The following PTPRN2 variants were observed in gnomAD, a reference collection of about 807,000 sequenced individuals.
PTPRN2 encodes the protein receptor-type tyrosine-protein phosphatase N2.
Under a neutral mutation model 118.8 loss-of-function variants are expected in PTPRN2, and 74 were observed. The ratio of observed to expected loss-of-function variants is 0.62; its 90% confidence interval spans 0.52 to 0.76. The LOEUF (loss-of-function observed/expected upper bound fraction) is 0.76. Among genes scored for constraint, PTPRN2 ranks in the 30% least tolerant of loss-of-function variants. The pLI, the probability that PTPRN2 is intolerant of heterozygous loss-of-function variation, is 0.00. For synonymous variants in PTPRN2, 641 were observed against 608.0 expected (o/e 1.05, Z -0.80); for missense variants, 1,481 against 1,394.4 (o/e 1.06, Z -0.99).
intron 12 of PTPRN2, among the ~76,000 whole-genome samples, chr7:157,883,229 CA>C (rs1796252200): frequency 6.8e-6 from 1 of 147,316 alleles, no homozygotes; most frequent in Non-Finnish European, 1.5e-5. Context: ...CACATCACCC[CA>C]AAAATGACTG....
intron 14 of PTPRN2, among the ~76,000 whole-genome samples, chr7:157,653,491 C>T (rs1325102157): frequency 6.6e-6 from 1 of 152,134 alleles, no homozygotes; most frequent in African/African-American, 2.4e-5. Context: ...TTTCTACAGC[C>T]TGTGTGTGCC....
At chr7:157,543,921 C>T (rs1798131375) in intron 22 of PTPRN2, among the ~76,000 whole-genome samples, 1 of 152,154 alleles carries the variant, frequency 6.6e-6, no homozygotes, top group Non-Finnish European at 1.5e-5. Flanking sequence ...TGTGTGTGTA[C>T]ACCAGGGCGG....
intron 2 of PTPRN2, among the ~76,000 whole-genome samples, chr7:158,480,108 C>T (rs939344908): frequency 2.6e-5 from 4 of 152,218 alleles, no homozygotes; most frequent in African/African-American, 4.8e-5. Flanking sequence ...CCTAGGAGCA[C>T]GTTCCAGCTT....
At position 158,171,242 on chromosome 7, in the gene PTPRN2, C is replaced by G. The variant is rs1425725032; in HGVS notation, c.550-3951G>C. On this transcript the variant is annotated intron_variant, in intron 5 of 22. Transcript: ENST00000389418. ...ACATATATACACACATATATATACA[C>G]ATATATACACACATATATATACACA... is the stretch of plus-strand genomic sequence containing the variant. Among the ~76,000 whole-genome samples the G allele has an allele frequency of 6.4e-4, 84 of 132,066 alleles. 2 individuals are homozygous for G. Among genetic ancestry groups the G allele is most frequent in the African/African-American group, 2.5e-3 (80 of 31,820 alleles). The allele number at this position is 132,066 out of a possible 152,430, so 86.6% of individuals were successfully genotyped here.
chr7:158,259,761 G>A (rs1195004120), intron 3 of PTPRN2, among the ~76,000 whole-genome samples: 3 of 148,328 alleles, frequency 2.0e-5, no homozygotes, highest in South Asian at 2.1e-4. Context: ...ACACATATGT[G>A]CATGTGTTTG....
At chr7:157,856,494 C>T (rs1370111707) in intron 12 of PTPRN2, among the ~76,000 whole-genome samples, 3 of 152,254 alleles carry the variant, frequency 2.0e-5, no homozygotes, top group Admixed American at 1.3e-4. Context: ...GAGGCTCAGC[C>T]TTCAACCCTC....
chr7:158,575,022 T>A (rs1828250052), intron 1 of PTPRN2, among the ~76,000 whole-genome samples: 1 of 152,238 alleles, frequency 6.6e-6, no homozygotes, highest in Non-Finnish European at 1.5e-5. Flanking sequence ...TTTTCTTCCC[T>A]TTTGTCATTT....
chr7:157,803,222 C>T (rs1163201019), intron 12 of PTPRN2, among the ~76,000 whole-genome samples: 2 of 152,216 alleles, frequency 1.3e-5, no homozygotes, highest in African/African-American at 2.4e-5. Context: ...ACCTTTGCCT[C>T]CCAAAGTGCT....
intron 5 of PTPRN2, among the ~76,000 whole-genome samples, chr7:158,172,982 C>T (rs1022140915): frequency 1.3e-5 from 2 of 150,200 alleles, no homozygotes; most frequent in Non-Finnish European, 3.0e-5. Flanking sequence ...ATCACCCCAT[C>T]ATCGACAGCA....
chr7:158,209,946 G>A (rs1827461264), intron 3 of PTPRN2, among the ~76,000 whole-genome samples: 1 of 152,126 alleles, frequency 6.6e-6, no homozygotes, highest in Non-Finnish European at 1.5e-5. Context: ...GCTTCTGAAT[G>A]ACCAGTGGGT....
At chr7:158,270,719 T>G (rs1052389548) in intron 3 of PTPRN2, among the ~76,000 whole-genome samples, 1 of 151,022 alleles carries the variant, frequency 6.6e-6, no homozygotes, top group Non-Finnish European at 1.5e-5. Context: ...GCTGCCCCTC[T>G]CCCTGGGGTG....
At chr7:157,742,619 C>T (rs1800700130) in intron 12 of PTPRN2, among the ~76,000 whole-genome samples, 1 of 152,046 alleles carries the variant, frequency 6.6e-6, no homozygotes, top group Non-Finnish European at 1.5e-5. Flanking sequence ...GTGAGAAGCT[C>T]CAAGCACACC....
intron 4 of PTPRN2, 122 bp downstream of exon 4, chr7:158,205,049 T>C: frequency 1.2e-6 from 1 of 843,642 alleles, no homozygotes; most frequent in Non-Finnish European, 1.9e-6. Flanking sequence ...TTCTGAAACG[T>C]CTGCACCAGA....
At chr7:158,004,865 T>C (rs1421550722) in intron 11 of PTPRN2, among the ~76,000 whole-genome samples, 1 of 152,206 alleles carries the variant, frequency 6.6e-6, no homozygotes, top group African/African-American at 2.4e-5. Context: ...CCTCTCATGA[T>C]AATGGTAATG....
At chr7:158,053,342 G>A (rs1443284572) in intron 11 of PTPRN2, among the ~76,000 whole-genome samples, 1 of 152,148 alleles carries the variant, frequency 6.6e-6, no homozygotes, top group Non-Finnish European at 1.5e-5. Context: ...TGAGAAAGGA[G>A]GGCCTGCAGG....
chr7:158,132,017 C>T (rs1818362153), intron 9 of PTPRN2, among the ~76,000 whole-genome samples: 1 of 79,648 alleles, frequency 1.3e-5, no homozygotes, highest in Non-Finnish European at 2.2e-5. Flanking sequence ...CATAGATACA[C>T]ATCTATGACA....
chr7:158,150,972 G>T (rs1034456060), intron 6 of PTPRN2, among the ~76,000 whole-genome samples: 1 of 151,880 alleles, frequency 6.6e-6, no homozygotes, highest in Non-Finnish European at 1.5e-5. Flanking sequence ...CCTGCTTACA[G>T]CAATGTCTGT....
chr7:157,704,236 C>T (rs1271308937), intron 12 of PTPRN2, among the ~76,000 whole-genome samples: 4 of 152,190 alleles, frequency 2.6e-5, no homozygotes, highest in African/African-American at 9.6e-5. Context: ...ATGTACTTGA[C>T]TCATGGGCTT....
In PTPRN2 at chr7:158,444,323, C is replaced by T. The variant is rs540170784; in HGVS notation, c.163+45412G>A. 2.8e-4 allele frequency among the ~76,000 whole-genome samples: 42 copies of T among 152,384 alleles called. 1 individual carries two copies. The South Asian group carries it at 8.3e-3, about 30-fold the overall frequency. ...GAGGTGAGCCCCAGCCGGCCGTGAG[C>T]CCCAGCGCCCAGGCGCCTCCTCCCC... On this transcript the variant is annotated intron_variant, in intron 2 of 22. Coordinates refer to ENST00000389418, the MANE Select transcript of PTPRN2 (RefSeq NM_002847.5).
Sources: gnomAD v4.1 joint callset for allele counts (sites outside exome capture counted in the v4.1 genomes callset) on GRCh38, gnomAD v4.1.1 for gene constraint, MANE v1.5 for transcripts, NCBI Gene and HGNC (gene_info 2026-07-23, HGNC 2026-07-21) for gene names.